TANC2: variants seen among roughly 807,000 people sequenced by gnomAD.
TANC2 encodes the protein protein TANC2.
TANC2 carries 26 observed loss-of-function variants against 210.5 expected under a neutral mutation model. The observed-to-expected ratio is 0.12, with a 90% confidence interval of 0.09 to 0.17. The LOEUF (loss-of-function observed/expected upper bound fraction) is 0.17, where lower values mean the gene tolerates loss of function less well. Ranked by LOEUF, TANC2 falls within the 10% of genes least tolerant of loss-of-function variation. The probability of loss-of-function intolerance (pLI) is 1.00; values close to 1 mark genes in which losing one functional copy is unlikely to be tolerated. For synonymous variants in TANC2, 931 were observed against 967.1 expected (o/e 0.96, Z 0.69); for missense variants, 2,129 against 2,608.9 (o/e 0.82, Z 4.01).
chr17:63,295,078 G>C (rs1388489348), intron 9 of TANC2, among the ~76,000 whole-genome samples: 1 of 152,088 alleles, frequency 6.6e-6, no homozygotes, highest in Non-Finnish European at 1.5e-5. Flanking sequence ...TTGTTCATAT[G>C]TTCTAAATTT....
At chr17:63,328,561 T>C (rs749249461) in intron 11 of TANC2, among the ~76,000 whole-genome samples, 1 of 151,970 alleles carries the variant, frequency 6.6e-6, no homozygotes, top group Non-Finnish European at 1.5e-5. Flanking sequence ...ATGATCTTTC[T>C]TATATGTGGA....
At chr17:63,274,115 T>G (rs753465373) in intron 9 of TANC2, among the ~76,000 whole-genome samples, 4 of 152,168 alleles carry the variant, frequency 2.6e-5, no homozygotes, top group Non-Finnish European at 5.9e-5. Context: ...TGCAGTTGTT[T>G]GATGATAATG....
intron 12 of TANC2, among the ~76,000 whole-genome samples, chr17:63,349,646 A>G (rs1418532882): frequency 6.6e-6 from 1 of 152,180 alleles, no homozygotes; most frequent in Non-Finnish European, 1.5e-5. Flanking sequence ...GCCTCTCCTG[A>G]ACCAGTACAG....
At chr17:63,084,421 C>T (rs1365952208) in intron 3 of TANC2, among the ~76,000 whole-genome samples, 1 of 151,546 alleles carries the variant, frequency 6.6e-6, no homozygotes, top group Non-Finnish European at 1.5e-5. Context: ...TTGATCTTTT[C>T]AATTTTTTTT....
intron 12 of TANC2, among the ~76,000 whole-genome samples, chr17:63,345,639 A>AC (rs56064653): frequency 6.8e-6 from 1 of 147,634 alleles, no homozygotes; most frequent in Non-Finnish European, 1.5e-5. Context: ...AAAAAAAAAA[A>AC]CACATAATCC....
Position 63,412,118 on chromosome 17 carries a change from G to A in TANC2, c.3886G>A (p.Gly1296Arg). ...TGTTGTTGTCACTCTTCTGAAGAAAGGAGCCAAGATAGGTAGGAGAAGGGA... is the reference window on the plus strand; with the variant it reads ...TGTTGTTGTCACTCTTCTGAAGAAAAGAGCCAAGATAGGTAGGAGAAGGGA... Residue 1296 changes from glycine to arginine, a missense_variant, in exon 23 of 28, where the codon GGA becomes AGA. Coordinates refer to ENST00000689528, the Ensembl canonical transcript of TANC2. The surrounding 1 kb of genome is among the most constrained non-coding windows in gnomAD (Gnocchi z 4.2). 6.2e-7 allele frequency: 1 copy of A among 1,614,004 alleles called. No individual in the cohort carries two copies. Among genetic ancestry groups the A allele is most frequent in the Non-Finnish European group, 8.5e-7 (1 of 1,179,874 alleles).
intron 11 of TANC2, among the ~76,000 whole-genome samples, chr17:63,330,157 G>C (rs2045788210): frequency 6.6e-6 from 1 of 152,144 alleles, no homozygotes. Context: ...TCCAGAGTAA[G>C]GCCCTAACTC....
chr17:63,355,618 G>A (rs1189483665), intron 14 of TANC2, among the ~76,000 whole-genome samples: 3 of 152,076 alleles, frequency 2.0e-5, no homozygotes, highest in Admixed American at 6.6e-5. Flanking sequence ...GCTATCCTAC[G>A]TTCCTGTGTT....
chr17:63,162,808 A>C (rs1480955184), intron 5 of TANC2, among the ~76,000 whole-genome samples: 1 of 152,080 alleles, frequency 6.6e-6, no homozygotes, highest in Non-Finnish European at 1.5e-5. Context: ...TTGAAGAAAG[A>C]GAAGAAGCCA....
At chr17:63,207,494 C>A (rs980259709) in intron 7 of TANC2, among the ~76,000 whole-genome samples, 1 of 152,182 alleles carries the variant, frequency 6.6e-6, no homozygotes, top group African/African-American at 2.4e-5. Context: ...GGATTACAGG[C>A]ATGAGCCACC....
At chr17:63,234,726 C>A (rs1334385333) in intron 7 of TANC2, among the ~76,000 whole-genome samples, 1 of 152,024 alleles carries the variant, frequency 6.6e-6, no homozygotes, top group Non-Finnish European at 1.5e-5. Context: ...AGGCAAGGTA[C>A]ATCTACAAAA....
At chr17:63,410,403 T>A (rs2048657034) in intron 21 of TANC2, among the ~76,000 whole-genome samples, 1 of 148,198 alleles carries the variant, frequency 6.7e-6, no homozygotes, top group African/African-American at 2.4e-5. Context: ...GAATTTAACT[T>A]TATTAGATTA....
intron 3 of TANC2, among the ~76,000 whole-genome samples, chr17:63,098,533 A>ATATATATATATG (rs2037500272): frequency 6.8e-6 from 1 of 146,490 alleles, no homozygotes; most frequent in Non-Finnish European, 1.5e-5. Context: ...ATATATATAT[A>ATATATATATATG]TGTAAAAATT....
At position 62,966,382 on chromosome 17, in the gene TANC2, T is replaced by TGCCCTCCCGCCGCCACC. The variant is rs1452090981; in HGVS notation, c.-383_-367dup. On this transcript the variant is annotated 5_prime_UTR_variant, in exon 1 of 28. Coordinates refer to ENST00000689528, the Ensembl canonical transcript of TANC2. The surrounding 1 kb of genome is among the most constrained non-coding windows in gnomAD (Gnocchi z 5.1). ...GCGCCCGGCCTAGGGCCGCTGGCGC[T>TGCCCTCCCGCCGCCACC]GCCCTCCCGCCGCCACCGCCCTCCG... Among the ~76,000 whole-genome samples the TGCCCTCCCGCCGCCACC allele has an allele frequency of 4.1e-5, 6 of 147,004 alleles. No homozygotes were observed. The highest frequency in any genetic ancestry group is 1.5e-5 in the Non-Finnish European group (1 of 66,074).
chr17:63,398,455 C>CA lies in TANC2; in HGVS notation c.3238-352dup, dbSNP rs75216626. On this transcript the variant is annotated intron_variant, in intron 18 of 27. Transcript: ENST00000689528. The stretch of plus-strand genomic sequence containing the variant: ...TAGGTGACAGAACGAGACCCTGTCT[C>CA]AAAAAAAAAAAAAAGAAAGAAAAAC... Among the ~76,000 whole-genome samples the CA allele has an allele frequency of 8.9e-3, 954 of 107,376 alleles. 11 individuals carry two copies. The highest frequency in any genetic ancestry group is 0.053 in the South Asian group (187 of 3,510). 70.4% of individuals were successfully genotyped at this position (107,376 alleles called of 152,430 possible).
chr17:63,294,218 C>A (rs553126783), intron 9 of TANC2, among the ~76,000 whole-genome samples: 1 of 152,274 alleles, frequency 6.6e-6, no homozygotes, highest in African/African-American at 2.4e-5. Flanking sequence ...TGGCTCATGG[C>A]TGTAATCCCA....
chr17:63,240,580 A>G (rs1224595078), intron 8 of TANC2, among the ~76,000 whole-genome samples: 1 of 152,062 alleles, frequency 6.6e-6, no homozygotes, highest in Non-Finnish European at 1.5e-5. Flanking sequence ...CTCCCTCTCT[A>G]GTTGTATCCT....
Position 63,220,719 on chromosome 17 carries a change from A to AAAAAT in TANC2, c.770-17094_770-17093insAAATA, listed in dbSNP as rs1386491486. ...AATCAGTCTCAAAAAAAAAAAAAAA[A>AAAAAT]ATATATATATATATATATGTATATA... On this transcript the variant is annotated intron_variant, in intron 7 of 27. Transcript: ENST00000689528. Among the ~76,000 whole-genome samples, 72 of 134,388 alleles carry AAAAAT rather than the reference A, an allele frequency of 5.4e-4. 3 individuals carry two copies. The South Asian group carries it at 0.015, about 27-fold the overall frequency. 88.2% of individuals were successfully genotyped at this position (134,388 alleles called of 152,430 possible).
chr17:63,206,113 A>G (rs558292082), intron 7 of TANC2, among the ~76,000 whole-genome samples: 1 of 152,202 alleles, frequency 6.6e-6, no homozygotes, highest in Non-Finnish European at 1.5e-5. Context: ...CAACATTACT[A>G]GTCATTAGGG....
Sources: gnomAD v4.1 joint callset for allele counts (sites outside exome capture counted in the v4.1 genomes callset) on GRCh38, gnomAD v4.1.1 for gene constraint, Gnocchi (gnomAD v3.1) non-coding constraint, MANE v1.5 for transcripts, NCBI Gene and HGNC (gene_info 2026-07-23, HGNC 2026-07-21) for gene names.